BMP6: variants seen among roughly 807,000 people sequenced by gnomAD.
BMP6 encodes the protein VG-1-R.
Under a neutral mutation model 54.1 loss-of-function variants are expected in BMP6, and 17 were observed. That is an observed-to-expected ratio of 0.31 (90% CI 0.22 to 0.47). BMP6 has a LOEUF of 0.47. Among genes scored for constraint, BMP6 ranks in the 20% least tolerant of loss-of-function variants. The pLI is 1.00. For missense variants in BMP6, 720 were observed against 690.4 expected (o/e 1.04, Z -0.48); for synonymous variants, 328 against 291.2 (o/e 1.13, Z -1.28).
intron 1 of BMP6, among the ~76,000 whole-genome samples, chr6:7,791,617 G>A (rs376433643): frequency 6.6e-6 from 1 of 151,950 alleles, no homozygotes; most frequent in African/African-American, 2.4e-5. Context: ...TCCTAATGGC[G>A]CTCTGAACAT....
chr6:7,871,918 G>A (rs541658306), intron 4 of BMP6, among the ~76,000 whole-genome samples: 5 of 151,182 alleles, frequency 3.3e-5, no homozygotes, highest in Non-Finnish European at 5.9e-5. Flanking sequence ...TGAGAACCCC[G>A]CACTTTAGAG....
chr6:7,765,629 C>T (rs561233026), intron 1 of BMP6, among the ~76,000 whole-genome samples: 1 of 152,366 alleles, frequency 6.6e-6, no homozygotes, highest in South Asian at 2.1e-4. Context: ...GCTCTTTTAG[C>T]ACATGCTGGT....
intron 1 of BMP6, among the ~76,000 whole-genome samples, chr6:7,754,248 G>T (rs1581233527): frequency 2.6e-5 from 4 of 152,072 alleles, no homozygotes; most frequent in African/African-American, 4.8e-5. Context: ...CTCCCGAGTA[G>T]CTGGGACTAC....
chr6:7,792,819 A>G (rs2113185855), intron 1 of BMP6, among the ~76,000 whole-genome samples: 1 of 152,362 alleles, frequency 6.6e-6, no homozygotes, highest in South Asian at 2.1e-4. Flanking sequence ...CAGCCATAGC[A>G]GACAAACTGC....
intron 1 of BMP6, among the ~76,000 whole-genome samples, chr6:7,840,628 T>C (rs150113100): frequency 1.3e-5 from 2 of 152,232 alleles, no homozygotes; most frequent in African/African-American, 4.8e-5. Flanking sequence ...GTTCAGTATG[T>C]CTTCCCTATT....
At chr6:7,811,639 T>C (rs1758437828) in intron 1 of BMP6, among the ~76,000 whole-genome samples, 2 of 152,248 alleles carry the variant, frequency 1.3e-5, no homozygotes. Flanking sequence ...TCTTTTCTGC[T>C]GTTTCATTTG....
At chr6:7,740,711 C>T (rs192244438) in intron 1 of BMP6, among the ~76,000 whole-genome samples, 1 of 152,288 alleles carries the variant, frequency 6.6e-6, no homozygotes, top group Non-Finnish European at 1.5e-5. Context: ...AACCACAGTG[C>T]TAGTTACTCA....
chr6:7,786,604 G>A (rs1048221067), intron 1 of BMP6, among the ~76,000 whole-genome samples: 8 of 151,886 alleles, frequency 5.3e-5, no homozygotes, highest in Non-Finnish European at 8.8e-5. Context: ...GCAGGCCATC[G>A]ACTTAGCTGT....
chr6:7,768,354 C>A (rs1365589984), intron 1 of BMP6, among the ~76,000 whole-genome samples: 3 of 152,178 alleles, frequency 2.0e-5, no homozygotes, highest in Non-Finnish European at 4.4e-5. Context: ...CACGCTGAGC[C>A]TCCAGCAATT....
intron 1 of BMP6, among the ~76,000 whole-genome samples, chr6:7,770,030 C>T (rs1757759333): frequency 6.6e-6 from 1 of 152,060 alleles, no homozygotes; most frequent in African/African-American, 2.4e-5. Context: ...GCCTATGTCC[C>T]CTCCTCCAAC....
intron 2 of BMP6, among the ~76,000 whole-genome samples, chr6:7,852,890 C>T (rs1759168200): frequency 6.6e-6 from 1 of 152,170 alleles, no homozygotes; most frequent in South Asian, 2.1e-4. Flanking sequence ...CAGAAGTGAC[C>T]CAGGCTTCTA....
intron 1 of BMP6, among the ~76,000 whole-genome samples, chr6:7,841,304 G>A (rs1210050094): frequency 6.6e-6 from 1 of 152,060 alleles, no homozygotes; most frequent in Non-Finnish European, 1.5e-5. Flanking sequence ...AATGCTAATG[G>A]GTATAAAGTA....
intron 1 of BMP6, among the ~76,000 whole-genome samples, chr6:7,798,630 C>T (rs981443804): frequency 4.6e-5 from 7 of 152,214 alleles, no homozygotes; most frequent in African/African-American, 1.7e-4. Flanking sequence ...GGGGACAATC[C>T]TCAGATGTTC....
At chr6:7,775,753 GTTC>G (rs1365147355) in intron 1 of BMP6, among the ~76,000 whole-genome samples, 2 of 152,170 alleles carry the variant, frequency 1.3e-5, no homozygotes, top group Non-Finnish European at 2.9e-5. Flanking sequence ...GGTCAGGTTA[GTTC>G]TTCTTGATTG....
chr6:7,755,763 A>G (rs1331719546), intron 1 of BMP6, among the ~76,000 whole-genome samples: 1 of 151,926 alleles, frequency 6.6e-6, no homozygotes. Context: ...GCTTTTATTT[A>G]TCTGAAAAAA....
At position 7,781,000 on chromosome 6, in the gene BMP6, T is replaced by C. The variant is rs546767277; in HGVS notation, c.664+53381T>C. Among the ~76,000 whole-genome samples the C allele has an allele frequency of 9.5e-4, 145 of 152,300 alleles. 1 individual carries two copies. Among genetic ancestry groups the C allele is most frequent in the African/African-American group, 3.4e-3 (142 of 41,572 alleles). On this transcript the variant is annotated intron_variant, in intron 1 of 6. Transcript: ENST00000283147. ...TGCTGGGATTACAGGCATGAGCCAC[T>C]GCGCCCAGCTAACAACTCTTTTTTC...
At chr6:7,828,291 G>C (rs1758732700) in intron 1 of BMP6, among the ~76,000 whole-genome samples, 1 of 152,236 alleles carries the variant, frequency 6.6e-6, no homozygotes, top group African/African-American at 2.4e-5. Flanking sequence ...GAAGCATTTT[G>C]TTGTGTTTTT....
intron 4 of BMP6, among the ~76,000 whole-genome samples, chr6:7,866,846 A>C (rs1473476565): frequency 6.6e-6 from 1 of 152,140 alleles, no homozygotes; most frequent in African/African-American, 2.4e-5. Context: ...CTGCCATTGT[A>C]TCAATGCCAC....
rs373989979 is a variant in BMP6 at position 7,802,605 on chromosome 6, G to A, written c.665-42535G>A. Reference sequence around the variant, plus strand: ...CACTATTTGATGGGCTTGCATCAGGGAGGGAGGAAGACAGGGCAGTCACTT... The same window carrying A: ...CACTATTTGATGGGCTTGCATCAGGAAGGGAGGAAGACAGGGCAGTCACTT... On this transcript the variant is annotated intron_variant, in intron 1 of 6. Transcript: ENST00000283147. Among the ~76,000 whole-genome samples, 59 of 152,350 alleles carry A rather than the reference G, an allele frequency of 3.9e-4. No individual in the cohort carries two copies. The South Asian group carries it at 6.6e-3, about 17-fold the overall frequency.
Sources: allele counts gnomAD v4.1 joint callset (sites outside exome capture counted in the v4.1 genomes callset), GRCh38; gene constraint gnomAD v4.1.1; transcripts MANE v1.5; gene names NCBI Gene and HGNC (gene_info 2026-07-23, HGNC 2026-07-21).